The following HECW1 variants were observed in gnomAD, a reference collection of about 807,000 sequenced individuals.
The protein encoded by HECW1 is HECT, C2 and WW domain containing E3 ubiquitin protein ligase 1, also known as E3 ubiquitin-protein ligase HECW1.
In HECW1, 61 loss-of-function variants were observed where a neutral mutation model predicts 182.3. That is an observed-to-expected ratio of 0.33 (90% CI 0.27 to 0.41). The LOEUF is 0.41. Among genes scored for constraint, HECW1 ranks in the 10% least tolerant of loss-of-function variants. The pLI, the probability that HECW1 is intolerant of heterozygous loss-of-function variation, is 1.00. For synonymous variants in HECW1, 859 were observed against 832.6 expected (o/e 1.03, Z -0.55); for missense variants, 1,739 against 2,108.9 (o/e 0.82, Z 3.44).
At chr7:43,129,294 A>G (rs1225190874) in intron 2 of HECW1, among the ~76,000 whole-genome samples, 1 of 152,214 alleles carries the variant, frequency 6.6e-6, no homozygotes, top group African/African-American at 2.4e-5. Flanking sequence ...CCCAACCTTC[A>G]GTAACCACCA....
intron 5 of HECW1, among the ~76,000 whole-genome samples, chr7:43,358,874 G>A (rs554093031): frequency 6.8e-6 from 1 of 147,182 alleles, no homozygotes; most frequent in South Asian, 2.2e-4. Context: ...GCCCAGGCTG[G>A]AGTGCAATGG....
rs189907083 is a variant in HECW1, at chr7:43,209,275, G to C, written c.-31-34600G>C. ...GCACGCTGGCCCCCTGAAGACCCATGCTCCCCTGTCCCCTGTTGCTCCTGC... is the reference window on the plus strand; with the variant it reads ...GCACGCTGGCCCCCTGAAGACCCATCCTCCCCTGTCCCCTGTTGCTCCTGC... On this transcript the variant is annotated intron_variant, in intron 2 of 29. Coordinates refer to ENST00000395891, the MANE Select transcript of HECW1 (RefSeq NM_015052.5). Among the ~76,000 whole-genome samples the C allele has an allele frequency of 7.9e-5, 12 of 152,204 alleles. No individual in the cohort carries two copies. The East Asian group carries it at 2.3e-3, about 29-fold the overall frequency.
intron 1 of HECW1, 46 bp downstream of exon 1, chr7:43,112,983 C>G (rs1784737781): frequency 4.9e-6 from 1 of 202,250 alleles, no homozygotes; most frequent in Non-Finnish European, 1.0e-5. Context: ...CCCTTCCCCC[C>G]CGCCCTTCTC....
At chr7:43,251,258 C>G (rs955893344) in intron 3 of HECW1, among the ~76,000 whole-genome samples, 24 of 152,180 alleles carry the variant, frequency 1.6e-4, no homozygotes, top group African/African-American at 5.5e-4. Context: ...TTTTGCCTAG[C>G]CTAGTGGGAC....
intron 8 of HECW1, among the ~76,000 whole-genome samples, chr7:43,409,990 G>A (rs1562945173): frequency 1.3e-5 from 2 of 152,306 alleles, no homozygotes; most frequent in East Asian, 3.9e-4. Flanking sequence ...ACATCCAGAG[G>A]GAGGTGATCC....
chr7:43,302,180 C>T (rs1348839146), intron 3 of HECW1, among the ~76,000 whole-genome samples: 1 of 152,050 alleles, frequency 6.6e-6, no homozygotes, highest in Non-Finnish European at 1.5e-5. Flanking sequence ...GAGGGAAACA[C>T]ACTGGCTTAC....
At chr7:43,244,797 T>C (rs549739038) in intron 3 of HECW1, among the ~76,000 whole-genome samples, 1 of 152,270 alleles carries the variant, frequency 6.6e-6, no homozygotes, top group Non-Finnish European at 1.5e-5. Context: ...AAAAAGGAAA[T>C]AAAAGCCCAC....
At chr7:43,287,105 G>T (rs371546945) in intron 3 of HECW1, among the ~76,000 whole-genome samples, 2 of 152,296 alleles carry the variant, frequency 1.3e-5, no homozygotes, top group East Asian at 3.9e-4. Context: ...GTACCTTGTT[G>T]TGAGAGGAAA....
chr7:43,514,159 A>G (rs1371661808), intron 24 of HECW1, among the ~76,000 whole-genome samples: 1 of 152,184 alleles, frequency 6.6e-6, no homozygotes, highest in Non-Finnish European at 1.5e-5. Flanking sequence ...GGAATGGAAA[A>G]TTACCACAAG....
chr7:43,559,576 A>G (rs1585306613), intron 29 of HECW1, among the ~76,000 whole-genome samples: 1 of 152,270 alleles, frequency 6.6e-6, no homozygotes, highest in East Asian at 1.9e-4. Context: ...CCCACTTTAC[A>G]AGTGAGAAAA....
intron 5 of HECW1, among the ~76,000 whole-genome samples, chr7:43,340,629 T>G (rs184114154): frequency 6.6e-6 from 1 of 151,814 alleles, no homozygotes; most frequent in East Asian, 1.9e-4. Context: ...ATTTTTTGAT[T>G]GTTTTTGAAT....
At chr7:43,464,376 AT>A (rs993901766) in intron 14 of HECW1, among the ~76,000 whole-genome samples, 1 of 151,972 alleles carries the variant, frequency 6.6e-6, no homozygotes, top group African/African-American at 2.4e-5. Flanking sequence ...ACAGGAGGGA[AT>A]TTTTTCCCAC....
At chr7:43,552,191 C>T in intron 27 of HECW1, 31 bp from the exon 28 acceptor site, 1 of 1,366,320 alleles carries the variant, frequency 7.3e-7, no homozygotes, top group Non-Finnish European at 1.0e-6. Flanking sequence ...TGTGTTTGGA[C>T]CTGGATGCTG....
At chr7:43,164,929 T>C (rs1790945130) in intron 2 of HECW1, among the ~76,000 whole-genome samples, 1 of 152,034 alleles carries the variant, frequency 6.6e-6, no homozygotes, top group African/African-American at 2.4e-5. Flanking sequence ...GAGTGAAGAG[T>C]CATGGCTGAA....
intron 3 of HECW1, among the ~76,000 whole-genome samples, chr7:43,291,291 G>T (rs1472221824): frequency 6.6e-6 from 1 of 152,226 alleles, no homozygotes; most frequent in East Asian, 1.9e-4. Context: ...TTACTGCTGT[G>T]TCTTGCATCC....
intron 2 of HECW1, among the ~76,000 whole-genome samples, chr7:43,186,668 C>CAAA (rs112678392): frequency 2.1e-5 from 2 of 93,526 alleles, no homozygotes; most frequent in Non-Finnish European, 4.6e-5. Flanking sequence ...GACTCCGTCT[C>CAAA]AAAAAAAAAA....
At chr7:43,465,813 G>C (rs1417407867) in intron 14 of HECW1, among the ~76,000 whole-genome samples, 1 of 151,900 alleles carries the variant, frequency 6.6e-6, no homozygotes, top group African/African-American at 2.4e-5. Flanking sequence ...AGGATGGCTT[G>C]ACCCCAGGAA....
At position 43,541,956 on chromosome 7, in the gene HECW1, C is replaced by G; in HGVS notation, c.4206C>G (p.Ile1402Met). 6.4e-7 allele frequency: 1 copy of G among 1,557,448 alleles called. No individual in the cohort carries two copies. Among genetic ancestry groups the G allele is most frequent in the East Asian group, 2.4e-5 (1 of 41,854 alleles). Residue 1402 changes from isoleucine (I) to methionine (M), a missense_variant, in exon 26 of 30, where the codon ATC becomes ATG. By Grantham distance (10) the Ile-to-Met change is conservative. This residue lies in a region of HECW1 where 420 missense variants were observed against 595.7 expected (regional missense o/e 0.71). Transcript: ENST00000395891. ...QWMKDNNITD[I>M]LDLTFTVNEE... ...TGAAGGACAACAACATCACAGACATCTTAGACCTCACTTTCACTGTTAATG... is the reference window on the plus strand; with the variant it reads ...TGAAGGACAACAACATCACAGACATGTTAGACCTCACTTTCACTGTTAATG...
At chr7:43,127,472 G>A (rs148112972) in intron 2 of HECW1, among the ~76,000 whole-genome samples, 2,053 of 131,432 alleles carry the variant, frequency 0.016, 50 homozygotes, top group African/African-American at 0.055. Flanking sequence ...GCGGTAAGCC[G>A]AGATTGCACC....
Sources: gnomAD v4.1 joint callset for allele counts (sites outside exome capture counted in the v4.1 genomes callset) on GRCh38, gnomAD v4.1.1 for gene constraint, gnomAD v4.1.1 regional missense constraint, MANE v1.5 for transcripts, NCBI Gene and HGNC (gene_info 2026-07-23, HGNC 2026-07-21) for gene names.